Variants in VWA8 observed in about 807,000 individuals in gnomAD.
VWA8 encodes von Willebrand factor A domain containing 8, also known as von Willebrand factor A domain-containing protein 8.
A neutral mutation model predicts 241.5 loss-of-function variants in VWA8; 221 were observed. The observed-to-expected ratio is 0.91, with a 90% CI of 0.82 to 1.02. The LOEUF (loss-of-function observed/expected upper bound fraction) is 1.02. VWA8 is among the 50% of genes least tolerant of loss of function. The probability of loss-of-function intolerance (pLI) is 0.00; values close to 1 mark genes in which losing one functional copy is unlikely to be tolerated. For synonymous variants in VWA8, 852 were observed against 827.1 expected, an observed-to-expected ratio of 1.03 and a Z score of -0.52; for missense variants, 2,322 against 2,328.7, an observed-to-expected ratio of 1.00 and a Z score of 0.06.
chr13:41,791,402 ATTTTTG>A (rs1431873419), intron 17 of VWA8, among the ~76,000 whole-genome samples: 1 of 151,864 alleles, frequency 6.6e-6, no homozygotes, highest in Non-Finnish European at 1.5e-5. Flanking sequence ...AAAGTAACCA[ATTTTTG>A]TTTTTCAGTT....
chr13:41,583,424 A>G (rs1197608253), intron 42 of VWA8, among the ~76,000 whole-genome samples: 1 of 152,132 alleles, frequency 6.6e-6, no homozygotes, highest in Non-Finnish European at 1.5e-5. Context: ...CGGGCAGAAC[A>G]TGAGGTCAGG....
chr13:41,879,977 G>A (rs1166515624), intron 9 of VWA8, among the ~76,000 whole-genome samples: 1 of 152,158 alleles, frequency 6.6e-6, no homozygotes, highest in East Asian at 1.9e-4. Context: ...TAATTTTGGT[G>A]AGCCAATAAG....
chr13:41,749,628 A>G (rs374533835), intron 21 of VWA8, among the ~76,000 whole-genome samples: 4 of 152,138 alleles, frequency 2.6e-5, no homozygotes, highest in Non-Finnish European at 5.9e-5. Context: ...ATGATAGACT[A>G]GATTAAGAAA....
intron 12 of VWA8, among the ~76,000 whole-genome samples, chr13:41,837,448 A>G (rs1871792245): frequency 6.8e-6 from 1 of 147,730 alleles, no homozygotes; most frequent in South Asian, 2.2e-4. Flanking sequence ...CTTTCACAGA[A>G]CAACTGAATC....
chr13:41,633,654 G>A (rs1315575927), intron 37 of VWA8, among the ~76,000 whole-genome samples: 5 of 152,112 alleles, frequency 3.3e-5, no homozygotes, highest in Admixed American at 1.3e-4. Flanking sequence ...GGTTGGTAAA[G>A]CTTTCTAATT....
intron 9 of VWA8, among the ~76,000 whole-genome samples, chr13:41,882,266 C>G (rs1052541178): frequency 6.7e-6 from 1 of 149,990 alleles, no homozygotes; most frequent in African/African-American, 2.5e-5. Flanking sequence ...AAGAGGCGCT[C>G]GTCACTTCCT....
chr13:41,844,658 A>C (rs143377734), intron 12 of VWA8, among the ~76,000 whole-genome samples: 2 of 152,328 alleles, frequency 1.3e-5, no homozygotes, highest in Non-Finnish European at 2.9e-5. Flanking sequence ...AAACCAATGA[A>C]CAAAAATCAG....
In VWA8 at chr13:41,699,192, C is replaced by T; in HGVS notation, c.3443G>A (p.Gly1148Asp). 6.2e-7 allele frequency: 1 copy of T among 1,614,148 alleles called. No homozygotes were observed. The highest frequency in any genetic ancestry group is 8.5e-7 in the Non-Finnish European group (1 of 1,180,020). The change falls in exon 29 of 45, where the codon GGC becomes GAC. Residue 1148 changes from glycine (G) to aspartate (D), a missense_variant. Physicochemically the swap from Gly to Asp is moderately conservative, Grantham distance 94. Transcript: ENST00000379310. The stretch of plus-strand genomic sequence containing the variant: ...GATATCAAAAAAGTCCACAAAGAAG[C>T]CACTTTTCCCAGTCATATTCATAAA... ...LYFMNMTGKS[G>D]FFVDFFDIFP...
rs757247947 is a variant in VWA8 at position 41,907,651 on chromosome 13, T to C, written c.418A>G (p.Thr140Ala). ...CGCTGTTTGAGATCAGTTTCAGTGG[T>C]GTCCCTTGACAGGGCAATGTATTCG... ...EVEYIALSRD[T>A]TETDLKQRRE... The change falls in exon 4 of 45, where the codon ACC (threonine) becomes GCC (alanine). Residue 140 changes from threonine (T) to alanine (A), a missense_variant. Thr to Ala is a moderately conservative substitution (Grantham distance 58). Transcript: ENST00000379310. 6.2e-7 allele frequency: 1 copy of C among 1,614,206 alleles called. No homozygotes were observed. Among genetic ancestry groups the C allele is most frequent in the Non-Finnish European group, 8.5e-7 (1 of 1,180,016 alleles).
intron 21 of VWA8, among the ~76,000 whole-genome samples, chr13:41,734,284 G>A (rs1187780658): frequency 2.0e-5 from 3 of 152,202 alleles, no homozygotes; most frequent in African/African-American, 7.2e-5. Context: ...GTTGCAGTGA[G>A]CTGAGATAGC....
intron 26 of VWA8, among the ~76,000 whole-genome samples, chr13:41,718,247 T>C (rs139502649): frequency 6.6e-6 from 1 of 151,780 alleles, no homozygotes; most frequent in Admixed American, 6.6e-5. Flanking sequence ...ATAAAGGGAG[T>C]TTACAAAAAC....
Position 41,681,109 on chromosome 13 carries a change from C to A in VWA8, c.4327+3938G>T, listed in dbSNP as rs74050250. Among the ~76,000 whole-genome samples, 549 of 152,306 alleles carry A rather than the reference C, an allele frequency of 3.6e-3. 1 individual carries two copies. Among genetic ancestry groups the A allele is most frequent in the African/African-American group, 0.012 (489 of 41,568 alleles). On this transcript the variant is annotated intron_variant, in intron 35 of 44. Coordinates refer to ENST00000379310, the MANE Select transcript of VWA8 (RefSeq NM_015058.2). ...GATTGGGTTCCCCATTCTCCACCAT[C>A]CCCCAGGTGATGTCAGATCACTCTC...
At chr13:41,938,998 T>C (rs546849033) in intron 2 of VWA8, among the ~76,000 whole-genome samples, 29 of 152,322 alleles carry the variant, frequency 1.9e-4, no homozygotes, top group Middle Eastern at 3.4e-3. Flanking sequence ...AAAAATTCTC[T>C]CCTCCTGTGG....
intron 9 of VWA8, among the ~76,000 whole-genome samples, chr13:41,875,402 C>T (rs1043924181): frequency 6.6e-6 from 1 of 152,048 alleles, no homozygotes; most frequent in African/African-American, 2.4e-5. Context: ...TTTGTCTCCC[C>T]ATTCCAGAAA....
chr13:41,948,243 G>T (rs1179006594), intron 2 of VWA8, among the ~76,000 whole-genome samples: 2 of 152,130 alleles, frequency 1.3e-5, no homozygotes, highest in Non-Finnish European at 2.9e-5. Context: ...AAAACATTAT[G>T]CTAAGATAAG....
At chr13:41,782,737 A>G (rs1331269045) in intron 19 of VWA8, among the ~76,000 whole-genome samples, 2 of 151,976 alleles carry the variant, frequency 1.3e-5, no homozygotes, top group Non-Finnish European at 2.9e-5. Flanking sequence ...CTTAAAATAT[A>G]TTATAGAAAA....
chr13:41,796,769 G>A (rs987738119), intron 17 of VWA8, among the ~76,000 whole-genome samples: 3 of 149,928 alleles, frequency 2.0e-5, no homozygotes, highest in Admixed American at 2.0e-4. Flanking sequence ...TTATTTTCAA[G>A]TGTGTGAGTT....
At chr13:41,654,104 T>C (rs971534176) in intron 37 of VWA8, among the ~76,000 whole-genome samples, 2 of 152,130 alleles carry the variant, frequency 1.3e-5, no homozygotes, top group African/African-American at 2.4e-5. Flanking sequence ...CTCTGTTACC[T>C]TAGAATGCCA....
At chr13:41,589,287 A>AG in intron 41 of VWA8, among the ~76,000 whole-genome samples, 1 of 152,346 alleles carries the variant, frequency 6.6e-6, no homozygotes, top group Admixed American at 6.5e-5. Context: ...TAGTTACTTA[A>AG]GGGAGACGTT....
Sources: gnomAD v4.1 joint callset for allele counts (sites outside exome capture counted in the v4.1 genomes callset) on GRCh38, gnomAD v4.1.1 for gene constraint, MANE v1.5 for transcripts, NCBI Gene and HGNC (gene_info 2026-07-23, HGNC 2026-07-21) for gene names.